The following DGKH variants were observed in gnomAD, a reference collection of about 807,000 sequenced individuals.
DGKH encodes the protein DAG kinase eta.
In DGKH, 90 loss-of-function variants were observed where a neutral mutation model predicts 159.3. The observed-to-expected ratio is 0.57, with a 90% CI of 0.48 to 0.67. The LOEUF is 0.67. Ranked by LOEUF, DGKH falls within the 30% of genes least tolerant of loss-of-function variation. The pLI is 0.00. For synonymous variants in DGKH, 536 were observed against 553.8 expected (o/e 0.97, Z 0.45); for missense variants, 1,181 against 1,506.1 (o/e 0.78, Z 3.57).
intron 2 of DGKH, 28 bp from the exon 3 acceptor site, chr13:42,129,524 G>T: frequency 6.4e-7 from 1 of 1,572,758 alleles, no homozygotes; most frequent in Non-Finnish European, 8.7e-7. Flanking sequence ...TTCTTCTAAT[G>T]TCTTTGTATG....
Position 42,207,013 on chromosome 13 carries a change from TTC to T in DGKH, c.2601+869_2601+870del, listed in dbSNP as rs1371832609. ...TTTCTTTCTTTCTTTCTTTCTTTCT[TTC>T]TTTCTTTCTTTTTCTTTCTTTCTTT... On this transcript the variant is annotated intron_variant, in intron 21 of 29. Coordinates refer to ENST00000337343, the MANE Select transcript of DGKH (RefSeq NM_178009.5). Among the ~76,000 whole-genome samples, 75 of 144,100 alleles carry T rather than the reference TTC, an allele frequency of 5.2e-4. 1 individual carries two copies. The highest frequency in any genetic ancestry group is 3.5e-3 in the Middle Eastern group (1 of 286). The allele number at this position is 144,100 out of a possible 152,430, so 94.5% of individuals were successfully genotyped here.
chr13:42,218,946 C>T (rs1366663800), intron 26 of DGKH, among the ~76,000 whole-genome samples: 2 of 151,962 alleles, frequency 1.3e-5, no homozygotes, highest in Admixed American at 1.3e-4. Context: ...AAGACATTTA[C>T]ACAGAAAAAA....
intron 29 of DGKH, among the ~76,000 whole-genome samples, chr13:42,250,928 G>T (rs1277523938): frequency 1.3e-5 from 2 of 152,120 alleles, no homozygotes; most frequent in African/African-American, 4.8e-5. Flanking sequence ...TATTATTAAA[G>T]CATATCGGCT....
chr13:42,107,395 G>A (rs532301913), intron 1 of DGKH, among the ~76,000 whole-genome samples: 1 of 152,338 alleles, frequency 6.6e-6, no homozygotes, highest in Non-Finnish European at 1.5e-5. Flanking sequence ...TTTCAAGAGG[G>A]TGAAGCTGTG....
intron 1 of DGKH, among the ~76,000 whole-genome samples, chr13:42,111,950 T>C (rs1360067057): frequency 6.6e-6 from 1 of 152,198 alleles, no homozygotes; most frequent in Non-Finnish European, 1.5e-5. Context: ...GATGGAATAC[T>C]GCAGACAGAC....
At chr13:42,206,975 T>TTTTCTC (rs1555275936) in intron 21 of DGKH, among the ~76,000 whole-genome samples, 1,470 of 82,610 alleles carry the variant, frequency 0.018, 189 homozygotes, top group South Asian at 0.036. Context: ...TACTTTTACT[T>TTTTCTC]TTTCTTTCTT....
intron 1 of DGKH, among the ~76,000 whole-genome samples, chr13:42,102,511 T>C (rs773553105): frequency 2.0e-5 from 3 of 152,202 alleles, no homozygotes; most frequent in Non-Finnish European, 4.4e-5. Flanking sequence ...GACCACCTGC[T>C]TGGACCCTGG....
At chr13:42,117,369 A>C (rs1489753840) in intron 1 of DGKH, among the ~76,000 whole-genome samples, 1 of 152,184 alleles carries the variant, frequency 6.6e-6, no homozygotes, top group Non-Finnish European at 1.5e-5. Flanking sequence ...CTTTGATTGT[A>C]TGATTATATT....
chr13:42,175,173 G>C (rs1218227279), intron 12 of DGKH, among the ~76,000 whole-genome samples: 1 of 152,054 alleles, frequency 6.6e-6, no homozygotes, highest in Non-Finnish European at 1.5e-5. Context: ...TTATGATCTT[G>C]TCAAAACCAA....
At chr13:42,071,105 T>C (rs1344659427) in intron 1 of DGKH, 28 of 909,398 alleles carry the variant, frequency 3.1e-5, no homozygotes, top group Admixed American at 8.0e-5. Context: ...TTGAAACCCT[T>C]ATGATTGCCT....
At chr13:42,156,451 G>A (rs939402211) in intron 5 of DGKH, among the ~76,000 whole-genome samples, 2 of 151,778 alleles carry the variant, frequency 1.3e-5, no homozygotes, top group Non-Finnish European at 2.9e-5. Flanking sequence ...ATGTTGCCCA[G>A]GCTGGTCTCA....
intron 24 of DGKH, among the ~76,000 whole-genome samples, chr13:42,213,849 C>G (rs1957725326): frequency 6.6e-6 from 1 of 152,090 alleles, no homozygotes; most frequent in South Asian, 2.1e-4. Flanking sequence ...GGCCTTAGTG[C>G]CTTCCAGAAT....
chr13:42,230,353 A>G lies in DGKH; in HGVS notation c.*1165A>G, dbSNP rs577172779. 6.6e-6 allele frequency: 1 copy of G among 152,172 alleles called. No individual in the cohort carries two copies. The highest frequency in any genetic ancestry group is 2.1e-4 in the South Asian group (1 of 4,820). The allele number at this position is 152,172 out of a possible 1,614,324, so 9.4% of individuals were successfully genotyped here. On this transcript the variant is annotated 3_prime_UTR_variant, in exon 30 of 30. Coordinates refer to ENST00000337343, the MANE Select transcript of DGKH (RefSeq NM_178009.5). ...TTAAGGGCTTTATGTTGTTATTATT[A>G]TTATCTCACTTAATTCTTAATTCTT...
chr13:42,197,680 C>T (rs1783859406), intron 17 of DGKH, among the ~76,000 whole-genome samples: 2 of 151,970 alleles, frequency 1.3e-5, no homozygotes, highest in African/African-American at 4.8e-5. Context: ...CATTGCACTC[C>T]AGCCTAGGTG....
chr13:42,225,636 G>A (rs1358726248), intron 29 of DGKH, among the ~76,000 whole-genome samples: 1 of 152,030 alleles, frequency 6.6e-6, no homozygotes, highest in Non-Finnish European at 1.5e-5. Flanking sequence ...AGCTGGGCAT[G>A]GTGGTGCATG....
At chr13:42,124,281 A>AT (rs1350619839) in intron 1 of DGKH, among the ~76,000 whole-genome samples, 2 of 145,970 alleles carry the variant, frequency 1.4e-5, no homozygotes, top group Non-Finnish European at 3.0e-5. Context: ...CGCACTTACT[A>AT]TAACACTCTC....
At chr13:42,160,262 T>C in intron 7 of DGKH, 126 bp downstream of exon 7, 2 of 1,278,914 alleles carry the variant, frequency 1.6e-6, no homozygotes, top group Non-Finnish European at 2.2e-6. Flanking sequence ...ACGCATCTCA[T>C]GATGACATTC....
At chr13:42,040,311 G>A (rs1406551545) in intron 1 of DGKH, among the ~76,000 whole-genome samples, 1 of 152,138 alleles carries the variant, frequency 6.6e-6, no homozygotes, top group Non-Finnish European at 1.5e-5. Context: ...CCAGCGCGGT[G>A]GCCAGCCTAG....
At chr13:42,054,467 C>T (rs1881602714) in intron 1 of DGKH, among the ~76,000 whole-genome samples, 1 of 152,140 alleles carries the variant, frequency 6.6e-6, no homozygotes, top group Non-Finnish European at 1.5e-5. Flanking sequence ...TAACACACAT[C>T]CAGGTCAGAA....
Sources: allele counts gnomAD v4.1 joint callset (sites outside exome capture counted in the v4.1 genomes callset), GRCh38; gene constraint gnomAD v4.1.1; transcripts MANE v1.5; gene names NCBI Gene and HGNC (gene_info 2026-07-23, HGNC 2026-07-21).